Variants in ANXA2R observed in about 807,000 individuals in gnomAD.
ANXA2R encodes annexin A2 receptor.
For missense variants in ANXA2R, 244 were observed against 241.5 expected, an observed-to-expected ratio of 1.01 and a Z score of -0.07; for synonymous variants, 93 against 93.6, an observed-to-expected ratio of 0.99 and a Z score of 0.04.
upstream of ANXA2R, chr5:43,042,838 A>G (rs911334037): frequency 3.3e-5 from 5 of 152,598 alleles, no homozygotes; most frequent in African/African-American, 9.6e-5. The surrounding 1 kb of genome is among the most constrained non-coding windows in gnomAD (Gnocchi z 5.6). Flanking sequence ...CGGCCACAGA[A>G]GTACATCCAG....
chr5:43,041,479 G>T (rs576499794), upstream of ANXA2R: 1 of 151,448 alleles, frequency 6.6e-6, no homozygotes, highest in African/African-American at 2.5e-5. Flanking sequence ...ACTTGCTATT[G>T]TCAAAGGGAG....
rs757270757 is a variant in ANXA2R at position 43,039,451 on chromosome 5, C to T, written c.*14G>A. On this transcript the variant is annotated 3_prime_UTR_variant, in exon 1 of 1. Transcript: ENST00000616064. ...TTTTCAAGGAGGAGAATCCAAAAAGCCTTCTGCTGCTATCTAAGGCTGCTT... is the reference window on the plus strand; with the variant it reads ...TTTTCAAGGAGGAGAATCCAAAAAGTCTTCTGCTGCTATCTAAGGCTGCTT... 3.4e-5 allele frequency: 51 copies of T among 1,498,386 alleles called. No individual in the cohort carries two copies. Among genetic ancestry groups the T allele is most frequent in the Non-Finnish European group, 4.4e-5 (49 of 1,123,188 alleles). 92.8% of individuals were successfully genotyped at this position (1,498,386 alleles called of 1,614,324 possible).
upstream of ANXA2R, chr5:43,041,629 G>A (rs1742196165): frequency 2.7e-5 from 4 of 145,842 alleles, no homozygotes; most frequent in Admixed American, 2.8e-4. Context: ...TGCTAAACTG[G>A]TCATCGCTAA....
Position 43,039,431 on chromosome 5 carries a change from A to G in ANXA2R, c.*34T>C. 6.8e-7 allele frequency: 1 copy of G among 1,466,788 alleles called. No individual in the cohort carries two copies. Among genetic ancestry groups the G allele is most frequent in the Non-Finnish European group, 9.1e-7 (1 of 1,102,332 alleles). 90.9% of individuals were successfully genotyped at this position (1,466,788 alleles called of 1,614,324 possible). The stretch of plus-strand genomic sequence containing the variant: ...ACGTTTGGTAACTGAGAATCTTTTC[A>G]AGGAGGAGAATCCAAAAAGCCTTCT... On this transcript the variant is annotated 3_prime_UTR_variant, in exon 1 of 1. Coordinates refer to ENST00000616064, the MANE Select transcript of ANXA2R (RefSeq NM_001014279.3).
In ANXA2R at chr5:43,040,147, G is replaced by T; in HGVS notation, c.-101C>A. ...TGCTCTGCAGAGCCCGTGGGCGGAGGCCAGTCAGATATTAAGAAACTCAGT... is the reference window on the plus strand; with the variant it reads ...TGCTCTGCAGAGCCCGTGGGCGGAGTCCAGTCAGATATTAAGAAACTCAGT... On this transcript the variant is annotated 5_prime_UTR_variant, in exon 1 of 1. Transcript: ENST00000616064. 4 of 1,114,706 alleles carry T rather than the reference G, an allele frequency of 3.6e-6. No individual in the cohort carries two copies. Among genetic ancestry groups the T allele is most frequent in the South Asian group, 1.7e-5 (1 of 59,988 alleles). 69.1% of individuals were successfully genotyped at this position (1,114,706 alleles called of 1,614,324 possible). A position where few individuals can be genotyped will look rare whatever the true frequency, so the allele number is the denominator to read the frequency against.
chr5:43,039,995 C>T lies in ANXA2R; in HGVS notation c.52G>A (p.Val18Met), dbSNP rs1742162352. 1.2e-6 allele frequency: 2 copies of T among 1,613,350 alleles called. No individual in the cohort carries two copies. The highest frequency in any genetic ancestry group is 2.2e-5 in the South Asian group (2 of 91,058). Residue 18 changes from valine to methionine, a missense_variant, in exon 1 of 1, where the codon GTG (valine) becomes ATG (methionine). Val to Met is a conservative substitution (Grantham distance 21). Coordinates refer to ENST00000616064, the MANE Select transcript of ANXA2R (RefSeq NM_001014279.3). The stretch of plus-strand genomic sequence containing the variant: ...GGTGGAGGCTGGGGCTCTGGCGCCA[C>T]CTCTGCGGAATCCCAAGCCCGCTTC... ...CVKRAWDSAE[V>M]APEPQPPPIV...
In ANXA2R at chr5:43,039,624, G is replaced by T. The variant is rs763430502; in HGVS notation, c.423C>A (p.Ser141Arg). 2 of 1,613,674 alleles carry T rather than the reference G, an allele frequency of 1.2e-6. No homozygotes were observed. Among genetic ancestry groups the T allele is most frequent in the South Asian group, 1.1e-5 (1 of 91,044 alleles). The change falls in exon 1 of 1, where the codon AGC (serine) becomes AGA (arginine). Residue 141 changes from serine to arginine, a missense_variant. Physicochemically the swap from Ser to Arg is moderately radical, Grantham distance 110. Coordinates refer to ENST00000616064, the MANE Select transcript of ANXA2R (RefSeq NM_001014279.3). The stretch of plus-strand genomic sequence containing the variant: ...GATGGCGGCGTTCCAAAAGGCACCC[G>T]CTGTCACAGACCTCGGTGTCCTGCT... The part of the protein sequence containing the change: ...DRQQDTEVCD[S>R]GCLLERRHPP...
upstream of ANXA2R, chr5:43,040,417 CTA>C (rs1742173297): frequency 4.9e-6 from 1 of 202,106 alleles, no homozygotes; most frequent in African/African-American, 2.4e-5. Flanking sequence ...AAACTGTCTG[CTA>C]GGGCTCTGCC....
At position 43,039,766 on chromosome 5, in the gene ANXA2R, G is replaced by A. The variant is rs1227323652; in HGVS notation, c.281C>T (p.Pro94Leu). Residue 94 changes from proline (P) to leucine (L), a missense_variant, in exon 1 of 1, where the codon CCG becomes CTG. Coordinates refer to ENST00000616064, the MANE Select transcript of ANXA2R (RefSeq NM_001014279.3). ...STAKPTEFSWPGTQKQQEAPV... is the reference protein window; with the variant it reads ...STAKPTEFSWLGTQKQQEAPV... ...TGCCTCTTGCTGCTTCTGTGTCCCC[G>A]GCCAACTGAACTCAGTGGGCTTCGC... 1 of 1,614,116 alleles carries A rather than the reference G, an allele frequency of 6.2e-7. No individual in the cohort carries two copies. The highest frequency in any genetic ancestry group is 8.5e-7 in the Non-Finnish European group (1 of 1,180,016).
Position 43,039,490 on chromosome 5 carries a change from C to G in ANXA2R, c.557G>C (p.Arg186Pro). Residue 186 changes from arginine to proline, a missense_variant, in exon 1 of 1, where the codon CGG (arginine) becomes CCG (proline). Arg to Pro is a moderately radical substitution (Grantham distance 103). Transcript: ENST00000616064. ...CTAAGGCTGCTTAGCTCCACAGATC[C>G]GTGAACAGCACGCCCAGAGTACAGA... is the stretch of plus-strand genomic sequence containing the variant. Reference protein sequence around the residue: ...AFSVLWACCSRICGAKQP With the variant: ...AFSVLWACCSPICGAKQP 1 of 1,587,952 alleles carries G rather than the reference C, an allele frequency of 6.3e-7. No individual in the cohort carries two copies. The highest frequency in any genetic ancestry group is 8.6e-7 in the Non-Finnish European group (1 of 1,166,926).
chr5:43,042,312 A>T (rs201902768), upstream of ANXA2R: 344 of 152,692 alleles, frequency 2.3e-3, 4 homozygotes, highest in South Asian at 1.9e-3. This position sits in a 1 kb window ranked among gnomAD's most constrained non-coding sequence, Gnocchi z 5.6. Context: ...CGAGAAATGG[A>T]GGCACAGAGC....
In ANXA2R at chr5:43,039,513, A is replaced by T; in HGVS notation, c.534T>A (p.Ser178=). The change falls in exon 1 of 1, where the codon TCT becomes TCA. Residue 178 remains serine, a synonymous_variant. Transcript: ENST00000616064. The stretch of plus-strand genomic sequence containing the variant: ...TCCGTGAACAGCACGCCCAGAGTAC[A>T]GAGAACGCGGCAAAACCAACGCGAA... The part of the protein sequence containing the change: ...WILRVGFAAF[S]VLWACCSRIC... 6.2e-7 allele frequency: 1 copy of T among 1,606,494 alleles called. No homozygotes were observed. The highest frequency in any genetic ancestry group is 8.5e-7 in the Non-Finnish European group (1 of 1,175,762).
chr5:43,040,114 A>G lies in ANXA2R; in HGVS notation c.-68T>C. Reference sequence around the variant, plus strand: ...GAGTCTCTGCACTACCATCAGCCTGAGTATTTATGCTCTGCAGAGCCCGTG... The same window carrying G: ...GAGTCTCTGCACTACCATCAGCCTGGGTATTTATGCTCTGCAGAGCCCGTG... On this transcript the variant is annotated 5_prime_UTR_variant, in exon 1 of 1. Transcript: ENST00000616064. 1 of 1,465,562 alleles carries G rather than the reference A, an allele frequency of 6.8e-7. No individual in the cohort carries two copies. The highest frequency in any genetic ancestry group is 2.2e-4 in the Middle Eastern group (1 of 4,552). The allele number at this position is 1,465,562 out of a possible 1,614,324, so 90.8% of individuals were successfully genotyped here. A position where few individuals can be genotyped will look rare whatever the true frequency, so the allele number is the denominator to read the frequency against.
In ANXA2R at chr5:43,039,977, G is replaced by C. The variant is rs1202793232; in HGVS notation, c.70C>G (p.Pro24Ala). The C allele has an allele frequency of 1.2e-6, 2 of 1,613,928 alleles. No homozygotes were observed. Among genetic ancestry groups the C allele is most frequent in the South Asian group, 2.2e-5 (2 of 91,080 alleles). ...DSAEVAPEPQ[P>A]PPIVSSEDRG... ...TCTTCTGAACTCACAATAGGTGGAG[G>C]CTGGGGCTCTGGCGCCACCTCTGCG... is the stretch of plus-strand genomic sequence containing the variant. Residue 24 changes from proline (P) to alanine (A), a missense_variant, in exon 1 of 1, where the codon CCT becomes GCT. Transcript: ENST00000616064.
At chr5:43,042,861 A>G (rs1214524508), upstream of ANXA2R, 1 of 152,524 alleles carries the variant, frequency 6.6e-6, no homozygotes, top group Non-Finnish European at 1.5e-5. The surrounding 1 kb of genome is among the most constrained non-coding windows in gnomAD (Gnocchi z 5.6). Flanking sequence ...CCGCGCAATC[A>G]GTGGTTCTGC....
Position 43,040,304 on chromosome 5 carries a change from A to G in ANXA2R, c.-258T>C. 1 of 435,138 alleles carries G rather than the reference A, an allele frequency of 2.3e-6. No individual in the cohort carries two copies. Among genetic ancestry groups the G allele is most frequent in the Non-Finnish European group, 4.3e-6 (1 of 235,082 alleles). 27.0% of individuals were successfully genotyped at this position (435,138 alleles called of 1,614,324 possible). A position where few individuals can be genotyped will look rare whatever the true frequency, so the allele number is the denominator to read the frequency against. On this transcript the variant is annotated 5_prime_UTR_variant, in exon 1 of 1. Coordinates refer to ENST00000616064, the MANE Select transcript of ANXA2R (RefSeq NM_001014279.3). ...AAGAAACCGAAATGAAATGACACTA[A>G]GCAAATCTTGAAGAGAACTAGCGCT...
At chr5:43,040,416 G>A (rs1388226363), upstream of ANXA2R, 1 of 202,682 alleles carries the variant, frequency 4.9e-6, no homozygotes, top group African/African-American at 2.4e-5. Context: ...AAAACTGTCT[G>A]CTAGGGCTCT....
rs1742166910 is a variant in ANXA2R, at chr5:43,040,184, C to T, written c.-138G>A. On this transcript the variant is annotated 5_prime_UTR_variant, in exon 1 of 1. Coordinates refer to ENST00000616064, the MANE Select transcript of ANXA2R (RefSeq NM_001014279.3). ...TTAAGAAACTCAGTAGTAACAAATG[C>T]ACGAAAATTAGTAGACAAATGAAAA... 1 of 685,818 alleles carries T rather than the reference C, an allele frequency of 1.5e-6. No individual in the cohort carries two copies. The highest frequency in any genetic ancestry group is 3.3e-5 in the Admixed American group (1 of 29,878). The allele number at this position is 685,818 out of a possible 1,614,324, so 42.5% of individuals were successfully genotyped here.
rs1742153322 is a variant in ANXA2R, at chr5:43,039,707, C to A, written c.340G>T (p.Asp114Tyr). 6.2e-7 allele frequency: 1 copy of A among 1,613,846 alleles called. No homozygotes were observed. Among genetic ancestry groups the A allele is most frequent in the Non-Finnish European group, 8.5e-7 (1 of 1,179,902 alleles). Residue 114 changes from aspartate to tyrosine, a missense_variant, in exon 1 of 1, where the codon GAC becomes TAC. By Grantham distance (160) the Asp-to-Tyr change is radical. Transcript: ENST00000616064. ...GGAAGCTGCTGGAGCCTGAGTCTGTCGGGTTCCTCTGCCTGCCCCACCTCT... is the reference window on the plus strand; with the variant it reads ...GGAAGCTGCTGGAGCCTGAGTCTGTAGGGTTCCTCTGCCTGCCCCACCTCT... The part of the protein sequence containing the change: ...VEEVGQAEEP[D>Y]RLRLQQLPWS...
Sources: allele counts gnomAD v4.1 joint callset, GRCh38; gene constraint gnomAD v4.1.1; non-coding constraint Gnocchi (gnomAD v3.1); transcripts MANE v1.5; gene names NCBI Gene and HGNC (gene_info 2026-07-23, HGNC 2026-07-21).